ARHGAP29: variants seen among roughly 807,000 people sequenced by gnomAD.
ARHGAP29 encodes the protein rho GTPase-activating protein 29.
ARHGAP29 carries 43 observed loss-of-function variants against 122.6 expected under a neutral mutation model. The ratio of observed to expected loss-of-function variants is 0.35; its 90% CI spans 0.27 to 0.45. ARHGAP29 has a LOEUF of 0.45. Among genes scored for constraint, ARHGAP29 ranks in the 20% least tolerant of loss-of-function variants. ARHGAP29 has a pLI of 1.00. For missense variants in ARHGAP29, 1,303 were observed against 1,477.2 expected, an observed-to-expected ratio of 0.88 and a Z score of 1.93; for synonymous variants, 506 against 497.1, an observed-to-expected ratio of 1.02 and a Z score of -0.24.
intron 1 of ARHGAP29, among the ~76,000 whole-genome samples, chr1:94,273,618 A>G (rs895507704): frequency 2.0e-5 from 3 of 152,380 alleles, no homozygotes; most frequent in African/African-American, 4.8e-5. Flanking sequence ...GGATAAATGT[A>G]TAAGAAGTCA....
intron 19 of ARHGAP29, among the ~76,000 whole-genome samples, chr1:94,180,531 C>T (rs964286982): frequency 6.6e-5 from 10 of 152,080 alleles, no homozygotes; most frequent in African/African-American, 1.4e-4. Context: ...TCAATGTTTC[C>T]GCTTGCTCTG....
chr1:94,208,803 G>A, intron 5 of ARHGAP29, 29 bp downstream of exon 5: 1 of 1,602,950 alleles, frequency 6.2e-7, no homozygotes, highest in Non-Finnish European at 8.5e-7. Flanking sequence ...AAACATTAAA[G>A]ACTTTGCTTT....
chr1:94,188,749 C>A, intron 15 of ARHGAP29, 88 bp downstream of exon 15: 1 of 1,091,874 alleles, frequency 9.2e-7, no homozygotes, highest in Non-Finnish European at 1.4e-6. Flanking sequence ...TGTGAAAGTT[C>A]ACTATAAAAA....
intron 1 of ARHGAP29, among the ~76,000 whole-genome samples, chr1:94,246,770 T>A (rs1382866934): frequency 6.6e-6 from 1 of 151,942 alleles, no homozygotes; most frequent in Non-Finnish European, 1.5e-5. Context: ...GGACACCTAG[T>A]GAAACAAACG....
chr1:94,272,781 C>T (rs906899764), intron 1 of ARHGAP29, among the ~76,000 whole-genome samples: 2 of 152,186 alleles, frequency 1.3e-5, no homozygotes, highest in Admixed American at 6.5e-5. Flanking sequence ...CCTATACCTG[C>T]TCCCTTGCCC....
the ARHGAP29 span, among the ~76,000 whole-genome samples, chr1:94,301,368 C>G: frequency 6.6e-6 from 1 of 152,158 alleles, no homozygotes; most frequent in Non-Finnish European, 1.5e-5. Flanking sequence ...TGGCTTCAGA[C>G]GTGTCTAGAT....
chr1:94,169,977 G>A lies in ARHGAP29; in HGVS notation c.*3892C>T, dbSNP rs1180317307. Among the ~76,000 whole-genome samples, 2 of 152,190 alleles carry A rather than the reference G, an allele frequency of 1.3e-5. No individual in the cohort carries two copies. The highest frequency in any genetic ancestry group is 3.8e-4 in the East Asian group (2 of 5,198). On this transcript the variant is annotated 3_prime_UTR_variant, in exon 23 of 23. Coordinates refer to ENST00000260526, the MANE Select transcript of ARHGAP29 (RefSeq NM_004815.4). ...ACTGATTTAAGTGAATGAAGGAATA[G>A]AGAAGGAAGAGCTCTTCCTTACAGT...
At chr1:94,289,360 A>T in the ARHGAP29 span, among the ~76,000 whole-genome samples, 1 of 152,218 alleles carries the variant, frequency 6.6e-6, no homozygotes, top group Admixed American at 6.5e-5. Flanking sequence ...ACTTTGCTGA[A>T]GTTGCTTATC....
At chr1:94,290,107 A>G in the ARHGAP29 span, among the ~76,000 whole-genome samples, 16 of 152,282 alleles carry the variant, frequency 1.1e-4, no homozygotes, top group East Asian at 2.9e-3. Context: ...TTTGGCTGTG[A>G]ATCCGTCTGG....
chr1:94,297,823 G>C, the ARHGAP29 span, among the ~76,000 whole-genome samples: 992 of 152,182 alleles, frequency 6.5e-3, 6 homozygotes, highest in African/African-American at 0.023. Flanking sequence ...CAGCAATGAG[G>C]GGAGCTGGCC....
rs1319808477 is a variant in ARHGAP29 at position 94,208,892 on chromosome 1, G to T, written c.450C>A (p.Phe150Leu). The T allele has an allele frequency of 2.0e-5, 33 of 1,613,654 alleles. No individual in the cohort carries two copies. Among genetic ancestry groups the T allele is most frequent in the Non-Finnish European group, 2.5e-5 (30 of 1,179,828 alleles). Reference sequence around the variant, plus strand: ...AATCATTGCCTACATCTCCCATAAGGAAGTTTGTAAGGCTATCCAAGGAGG... The same window carrying T: ...AATCATTGCCTACATCTCCCATAAGTAAGTTTGTAAGGCTATCCAAGGAGG... ...AFTFGNILTN[F>L]LMGDVGNDSL... Residue 150 changes from phenylalanine to leucine, a missense_variant, in exon 5 of 23, where the codon TTC (phenylalanine) becomes TTA (leucine). By Grantham distance (22) the Phe-to-Leu change is conservative. This residue lies in a region of ARHGAP29 where 592 missense variants were observed against 648.2 expected (regional missense o/e 0.91). Transcript: ENST00000260526.
chr1:94,280,419 G>T, the ARHGAP29 span, among the ~76,000 whole-genome samples: 85 of 152,116 alleles, frequency 5.6e-4, no homozygotes, highest in Non-Finnish European at 3.7e-4. Flanking sequence ...AAGAGAGCCA[G>T]ACCAAAAAAC....
At chr1:94,295,750 A>ATGTGGAATCTTCTAATTCCACACAC in the ARHGAP29 span, among the ~76,000 whole-genome samples, 1 of 152,316 alleles carries the variant, frequency 6.6e-6, no homozygotes, top group South Asian at 2.1e-4. Flanking sequence ...ATTCCACACA[A>ATGTGGAATCTTCTAATTCCACACAC]TGTGGAATCT....
intron 1 of ARHGAP29, among the ~76,000 whole-genome samples, chr1:94,262,559 A>T (rs908919115): frequency 1.3e-5 from 2 of 152,182 alleles, no homozygotes; most frequent in East Asian, 3.8e-4. Context: ...TTATAGCAAA[A>T]AAACCAACAA....
chr1:94,215,104 G>GAAAA (rs199693229), intron 3 of ARHGAP29, among the ~76,000 whole-genome samples: 1 of 83,648 alleles, frequency 1.2e-5, no homozygotes. Flanking sequence ...GCATGAAAAG[G>GAAAA]AAAAAAAAAA....
chr1:94,183,962 TTTG>T (rs1268098902), intron 19 of ARHGAP29, among the ~76,000 whole-genome samples, 186 bp downstream of exon 19: 2 of 152,086 alleles, frequency 1.3e-5, no homozygotes, highest in African/African-American at 4.8e-5. Flanking sequence ...GGGAGATGAG[TTTG>T]TTTTTATTTT....
At chr1:94,293,368 C>T in the ARHGAP29 span, among the ~76,000 whole-genome samples, 1 of 152,204 alleles carries the variant, frequency 6.6e-6, no homozygotes, top group African/African-American at 2.4e-5. Flanking sequence ...TGTACCGTTC[C>T]TTCAGGTACA....
chr1:94,300,447 C>T, the ARHGAP29 span, among the ~76,000 whole-genome samples: 12 of 152,088 alleles, frequency 7.9e-5, no homozygotes, highest in Non-Finnish European at 1.8e-4. Context: ...CCTCTGGTTT[C>T]CACCTTTCTT....
chr1:94,211,287 C>CCAAAAAAAAA (rs1371295014), intron 3 of ARHGAP29, among the ~76,000 whole-genome samples: 1 of 36,004 alleles, frequency 2.8e-5, no homozygotes, highest in African/African-American at 1.1e-4. Flanking sequence ...GCTCTGGCTC[C>CCAAAAAAAAA]AAAAAAAAAA....
Sources: allele counts gnomAD v4.1 joint callset (sites outside exome capture counted in the v4.1 genomes callset), GRCh38; gene constraint gnomAD v4.1.1; regional missense constraint gnomAD v4.1.1; transcripts MANE v1.5; gene names NCBI Gene and HGNC (gene_info 2026-07-23, HGNC 2026-07-21).